The following CDK6 variants were observed in gnomAD, a reference collection of about 807,000 sequenced individuals.
CDK6 encodes the protein cyclin-dependent kinase 6.
CDK6 carries 6 observed loss-of-function variants against 37.1 expected under a neutral mutation model. The observed-to-expected ratio is 0.16, with a 90% confidence interval of 0.09 to 0.32. The LOEUF (loss-of-function observed/expected upper bound fraction) is 0.32, where lower values mean the gene tolerates loss of function less well. Among genes scored for constraint, CDK6 ranks in the 10% least tolerant of loss-of-function variants. CDK6 has a pLI of 1.00. For synonymous variants in CDK6, 160 were observed against 161.3 expected (o/e 0.99, Z 0.06); for missense variants, 224 against 418.9 (o/e 0.53, Z 4.06).
At chr7:92,742,685 T>C (rs2115639250) in intron 3 of CDK6, among the ~76,000 whole-genome samples, 1 of 152,172 alleles carries the variant, frequency 6.6e-6, no homozygotes, top group South Asian at 2.1e-4. Context: ...GTAAACTCTT[T>C]TTTTTCTGAA....
At chr7:92,824,197 C>T (rs1271162846) in intron 2 of CDK6, among the ~76,000 whole-genome samples, 5 of 150,446 alleles carry the variant, frequency 3.3e-5, no homozygotes, top group African/African-American at 7.3e-5. Context: ...AGAACTGCTT[C>T]ATTGCTGTGA....
At chr7:92,668,632 A>G (rs1797009678) in intron 5 of CDK6, among the ~76,000 whole-genome samples, 1 of 152,196 alleles carries the variant, frequency 6.6e-6, no homozygotes, top group Admixed American at 6.5e-5. Flanking sequence ...CTGATTTAGG[A>G]TTAGCCTAAA....
At chr7:92,765,834 G>A (rs1435500560) in intron 3 of CDK6, among the ~76,000 whole-genome samples, 2 of 152,222 alleles carry the variant, frequency 1.3e-5, no homozygotes, top group Non-Finnish European at 2.9e-5. Context: ...ATAATGTGGT[G>A]TAATGTGATA....
intron 2 of CDK6, among the ~76,000 whole-genome samples, chr7:92,811,046 C>T (rs892670768): frequency 2.0e-5 from 3 of 151,812 alleles, no homozygotes; most frequent in African/African-American, 4.8e-5. Context: ...ATGAGAACCC[C>T]CCCAGCGCCA....
At chr7:92,781,718 A>G (rs1464917666) in intron 2 of CDK6, among the ~76,000 whole-genome samples, 1 of 152,204 alleles carries the variant, frequency 6.6e-6, no homozygotes, top group East Asian at 1.9e-4. Context: ...TTGGACATCA[A>G]ATAGTTCAAG....
At chr7:92,726,420 G>GA (rs1554406862) in intron 3 of CDK6, among the ~76,000 whole-genome samples, 1 of 151,392 alleles carries the variant, frequency 6.6e-6, no homozygotes, top group Non-Finnish European at 1.5e-5. Context: ...TTAACTGTTT[G>GA]TTTTTTTTTA....
chr7:92,617,970 T>C (rs1286324808), intron 7 of CDK6, 102 bp downstream of exon 7: 24 of 1,179,496 alleles, frequency 2.0e-5, no homozygotes, highest in African/African-American at 1.5e-5. Context: ...ATGTGATGCC[T>C]ATAGCAGCTA....
At chr7:92,712,373 C>T (rs1798115879) in intron 4 of CDK6, among the ~76,000 whole-genome samples, 1 of 151,996 alleles carries the variant, frequency 6.6e-6, no homozygotes, top group Non-Finnish European at 1.5e-5. Context: ...AAAAATAAAG[C>T]AATTGATGAA....
At chr7:92,832,227 C>T (rs1024314994) in intron 2 of CDK6, among the ~76,000 whole-genome samples, 1 of 152,130 alleles carries the variant, frequency 6.6e-6, no homozygotes, top group Non-Finnish European at 1.5e-5. Context: ...ACTAAGAAAA[C>T]ACCATTATCC....
chr7:92,702,974 C>T (rs895650445), intron 4 of CDK6, among the ~76,000 whole-genome samples: 1 of 152,166 alleles, frequency 6.6e-6, no homozygotes, highest in East Asian at 1.9e-4. Flanking sequence ...CATCCCTCTC[C>T]CCCATATTGT....
chr7:92,715,757 G>C (rs887597354), intron 4 of CDK6, among the ~76,000 whole-genome samples: 2 of 152,168 alleles, frequency 1.3e-5, no homozygotes, highest in Non-Finnish European at 2.9e-5. Context: ...GACCTACACA[G>C]ATAACAGGAT....
intron 3 of CDK6, among the ~76,000 whole-genome samples, chr7:92,729,407 G>A (rs558876913): frequency 6.6e-6 from 1 of 152,172 alleles, no homozygotes; most frequent in African/African-American, 2.4e-5. Flanking sequence ...GCACAGTCTG[G>A]TATAAAAAGT....
chr7:92,652,537 A>T (rs1014799666), intron 5 of CDK6, among the ~76,000 whole-genome samples: 1 of 152,204 alleles, frequency 6.6e-6, no homozygotes, highest in Non-Finnish European at 1.5e-5. Context: ...CTCTGCCTGA[A>T]GCTTTTCAGG....
intron 3 of CDK6, among the ~76,000 whole-genome samples, chr7:92,768,442 G>C (rs1345754513): frequency 1.3e-5 from 2 of 152,160 alleles, no homozygotes; most frequent in Non-Finnish European, 2.9e-5. Context: ...TCTTTAAAGA[G>C]ACTTTATTGA....
chr7:92,792,875 C>G (rs1327272351), intron 2 of CDK6, among the ~76,000 whole-genome samples: 3 of 151,724 alleles, frequency 2.0e-5, no homozygotes, highest in Non-Finnish European at 4.4e-5. Flanking sequence ...TATCAGCCTC[C>G]AGATGAGACG....
intron 6 of CDK6, among the ~76,000 whole-genome samples, chr7:92,620,920 TAAA>T: frequency 6.6e-6 from 1 of 150,582 alleles, no homozygotes; most frequent in Admixed American, 6.7e-5. Context: ...AAGAAAAAAA[TAAA>T]AAAGAGTATG....
intron 5 of CDK6, among the ~76,000 whole-genome samples, chr7:92,636,824 C>T (rs1403726678): frequency 2.0e-5 from 3 of 152,124 alleles, no homozygotes; most frequent in Non-Finnish European, 4.4e-5. Context: ...CGCCACCATG[C>T]TGACTAATTT....
intron 5 of CDK6, among the ~76,000 whole-genome samples, chr7:92,659,635 CCACA>C (rs60702803): frequency 1.2e-3 from 173 of 147,448 alleles, no homozygotes; most frequent in African/African-American, 3.8e-3. Flanking sequence ...CACACACACA[CCACA>C]CACACACACA....
chr7:92,690,947 G>A (rs1030902494), intron 4 of CDK6, among the ~76,000 whole-genome samples: 4 of 152,114 alleles, frequency 2.6e-5, no homozygotes, highest in Admixed American at 6.5e-5. Context: ...CTATATATCT[G>A]TATTAACTAT....
Sources: allele counts gnomAD v4.1 joint callset (sites outside exome capture counted in the v4.1 genomes callset), GRCh38; gene constraint gnomAD v4.1.1; transcripts MANE v1.5; gene names NCBI Gene and HGNC (gene_info 2026-07-23, HGNC 2026-07-21).